PRSS12: variants seen among roughly 807,000 people sequenced by gnomAD.
PRSS12 encodes neurotrypsin.
A neutral mutation model predicts 104.4 loss-of-function variants in PRSS12; 85 were observed. That is an observed-to-expected ratio of 0.81 (90% CI 0.68 to 0.98). The LOEUF is 0.98. Ranked by LOEUF, PRSS12 falls within the 50% of genes least tolerant of loss-of-function variation. The pLI, the probability that PRSS12 is intolerant of heterozygous loss-of-function variation, is 0.00. For missense variants in PRSS12, 1,141 were observed against 1,139.2 expected (o/e 1.00, Z -0.02); for synonymous variants, 454 against 425.2 (o/e 1.07, Z -0.83).
intron 3 of PRSS12, among the ~76,000 whole-genome samples, chr4:118,332,512 C>T (rs565275449): frequency 6.6e-6 from 1 of 152,292 alleles, no homozygotes; most frequent in African/African-American, 2.4e-5. Flanking sequence ...CTGTGAACTT[C>T]TCTGTCTCTT....
chr4:118,349,450 T>C (rs1250055829), intron 1 of PRSS12, among the ~76,000 whole-genome samples: 1 of 151,432 alleles, frequency 6.6e-6, no homozygotes, highest in East Asian at 1.9e-4. Context: ...CTTTTAAGCA[T>C]AAGAGACTGT....
Position 118,318,373 on chromosome 4 carries a change from C to T in PRSS12, c.1150+5G>A, listed in dbSNP as rs2126035681. On this transcript the variant is annotated splice_donor_5th_base_variant and intron_variant, in intron 5 of 12. Transcript: ENST00000296498. ...ACTGGTACACTAATGGAGTGAAATCCTTACCTGTTAGAGGGGTACAGGACA... is the reference window on the plus strand; with the variant it reads ...ACTGGTACACTAATGGAGTGAAATCTTTACCTGTTAGAGGGGTACAGGACA... 1 of 1,613,704 alleles carries T rather than the reference C, an allele frequency of 6.2e-7. No homozygotes were observed.
At chr4:118,319,853 T>G (rs1723562647) in intron 4 of PRSS12, among the ~76,000 whole-genome samples, 1 of 152,090 alleles carries the variant, frequency 6.6e-6, no homozygotes, top group Non-Finnish European at 1.5e-5. Context: ...ATGTTTTATT[T>G]TTTGTAGAGA....
At chr4:118,289,862 CAA>C (rs1246207325) in intron 11 of PRSS12, among the ~76,000 whole-genome samples, 1 of 152,158 alleles carries the variant, frequency 6.6e-6, no homozygotes, top group Non-Finnish European at 1.5e-5. Context: ...CAAAGCATAT[CAA>C]AATGCTGCAT....
chr4:118,299,808 T>TAAATAAAATA lies in PRSS12; in HGVS notation c.1632-880_1632-871dup, dbSNP rs200327301. Among the ~76,000 whole-genome samples, 548 of 91,598 alleles carry TAAATAAAATA rather than the reference T, an allele frequency of 6.0e-3. 12 individuals carry two copies. Among genetic ancestry groups the TAAATAAAATA allele is most frequent in the African/African-American group, 8.9e-3 (226 of 25,420 alleles). 60.1% of individuals were successfully genotyped at this position (91,598 alleles called of 152,430 possible). A position where few individuals can be genotyped will look rare whatever the true frequency, so the allele number is the denominator to read the frequency against. Reference sequence around the variant, plus strand: ...ATAAAATAAAATAAATAAAATAAAATAAATAAAATAAAATAAAATAAAATA... The same window carrying TAAATAAAATA: ...ATAAAATAAAATAAATAAAATAAAATAAATAAAATAAAATAAAATAAAATAAAATAAAATA... On this transcript the variant is annotated intron_variant, in intron 8 of 12. Transcript: ENST00000296498.
chr4:118,325,256 T>C (rs889637291), intron 4 of PRSS12, among the ~76,000 whole-genome samples: 27 of 151,328 alleles, frequency 1.8e-4, no homozygotes, highest in African/African-American at 6.6e-4. Flanking sequence ...GAGACGTAGG[T>C]TGAAAAACTA....
rs1156278465 is a variant in PRSS12, at chr4:118,352,778, G to A, written c.-58C>T. The A allele has an allele frequency of 3.1e-6, 5 of 1,601,516 alleles. No individual in the cohort carries two copies. In the South Asian group the frequency reaches 4.5e-5, roughly 14 times the overall value. Reference sequence around the variant, plus strand: ...CCCAGCTTCTCGGGCTTGGAGCGGAGAAGAGGAGGGGGCGGGGGCGGGGCT... The same window carrying A: ...CCCAGCTTCTCGGGCTTGGAGCGGAAAAGAGGAGGGGGCGGGGGCGGGGCT... On this transcript the variant is annotated 5_prime_UTR_variant, in exon 1 of 13. Transcript: ENST00000296498.
chr4:118,316,837 A>AAATAT (rs35698159), intron 5 of PRSS12, among the ~76,000 whole-genome samples: 105 of 99,190 alleles, frequency 1.1e-3, no homozygotes, highest in African/African-American at 3.4e-3. Flanking sequence ...AAAAAAAAAA[A>AAATAT]ATATATATAT....
intron 12 of PRSS12, 71 bp downstream of exon 12, chr4:118,282,760 C>T (rs1742915163): frequency 3.8e-6 from 6 of 1,597,204 alleles, no homozygotes; most frequent in Non-Finnish European, 5.1e-6. Flanking sequence ...TCTTATTGCC[C>T]ATTGCACACC....
chr4:118,315,434 A>G (rs375467813), intron 6 of PRSS12, among the ~76,000 whole-genome samples: 2 of 152,170 alleles, frequency 1.3e-5, no homozygotes, highest in Admixed American at 6.5e-5. Context: ...AGTGTAGTGA[A>G]TATCTTCAGT....
intron 1 of PRSS12, among the ~76,000 whole-genome samples, chr4:118,351,496 T>A (rs1020286077): frequency 1.1e-4 from 17 of 152,350 alleles, no homozygotes; most frequent in Admixed American, 9.8e-4. Flanking sequence ...CTCCTGATGT[T>A]ACCAACTAAT....
intron 6 of PRSS12, among the ~76,000 whole-genome samples, chr4:118,314,753 G>A (rs959614250): frequency 3.3e-5 from 5 of 151,936 alleles, no homozygotes; most frequent in Non-Finnish European, 7.4e-5. Flanking sequence ...TGAATACTCT[G>A]TGCATAGATT....
chr4:118,315,148 T>C (rs1043876721), intron 6 of PRSS12, among the ~76,000 whole-genome samples: 7 of 152,090 alleles, frequency 4.6e-5, no homozygotes, highest in Admixed American at 2.0e-4. Context: ...TGACCTAATA[T>C]TAAGTAAATT....
intron 2 of PRSS12, 55 bp downstream of exon 2, chr4:118,338,121 C>T (rs528987667): frequency 6.2e-7 from 1 of 1,607,182 alleles, no homozygotes; most frequent in Admixed American, 1.7e-5. Context: ...GACGGGCACC[C>T]AGCATTATTC....
At chr4:118,299,171 T>C (rs1458295513) in intron 8 of PRSS12, among the ~76,000 whole-genome samples, 2 of 152,160 alleles carry the variant, frequency 1.3e-5, no homozygotes, top group Non-Finnish European at 2.9e-5. Flanking sequence ...TAATTTAGCT[T>C]TTTCTAAGAA....
rs544248492 is a variant in PRSS12 at position 118,315,961 on chromosome 4, G to A, written c.1292+221C>T. Among the ~76,000 whole-genome samples the A allele has an allele frequency of 5.3e-5, 8 of 152,276 alleles. No individual in the cohort carries two copies. The South Asian group carries it at 1.7e-3, about 32-fold the overall frequency. Reference sequence around the variant, plus strand: ...CCCCTGGCTTCAACTAATTATTCAAGAAGAGGGGTCATGGCAGGAAAGGTA... The same window carrying A: ...CCCCTGGCTTCAACTAATTATTCAAAAAGAGGGGTCATGGCAGGAAAGGTA... On this transcript the variant is annotated intron_variant, in intron 6 of 12. Transcript: ENST00000296498.
intron 1 of PRSS12, among the ~76,000 whole-genome samples, chr4:118,351,983 T>C (rs1402549092): frequency 6.6e-6 from 1 of 152,040 alleles, no homozygotes; most frequent in Non-Finnish European, 1.5e-5. Flanking sequence ...GCTCAGCACC[T>C]TGCATAGAAC....
chr4:118,329,512 T>G (rs1186734089), intron 4 of PRSS12, among the ~76,000 whole-genome samples: 1 of 152,198 alleles, frequency 6.6e-6, no homozygotes, highest in Admixed American at 6.5e-5. Context: ...AATACATATA[T>G]GTACACATTA....
chr4:118,317,257 A>G, intron 5 of PRSS12, among the ~76,000 whole-genome samples: 1 of 152,180 alleles, frequency 6.6e-6, no homozygotes, highest in Non-Finnish European at 1.5e-5. Flanking sequence ...TAATTTGCCT[A>G]TAATTCTATA....
Sources: gnomAD v4.1 joint callset for allele counts (sites outside exome capture counted in the v4.1 genomes callset) on GRCh38, gnomAD v4.1.1 for gene constraint, MANE v1.5 for transcripts, NCBI Gene and HGNC (gene_info 2026-07-23, HGNC 2026-07-21) for gene names.